The following CYSLTR2 variants were observed in gnomAD, a reference collection of about 807,000 sequenced individuals.
CYSLTR2 encodes the protein G-protein coupled receptor GPCR21.
For missense variants in CYSLTR2, 398 were observed against 411.9 expected, an observed-to-expected ratio of 0.97 and a Z score of 0.29; for synonymous variants, 179 against 160.8, an observed-to-expected ratio of 1.11 and a Z score of -0.86.
Position 48,707,428 on chromosome 13 carries a change from T to C in CYSLTR2, c.611T>C (p.Ile204Thr). ...KIAKLQTMNY[I>T]ALVVGCLLPF... ...GCTAAGCTGCAGACCATGAACTATA[T>C]TGCCTTGGTGGTGGGCTGCCTGCTG... Residue 204 changes from isoleucine to threonine, a missense_variant, in exon 5 of 5, where the codon ATT becomes ACT. Physicochemically the swap from Ile to Thr is moderately conservative, Grantham distance 89. Transcript: ENST00000682523. 1 of 1,614,122 alleles carries C rather than the reference T, an allele frequency of 6.2e-7. No individual in the cohort carries two copies. Among genetic ancestry groups the C allele is most frequent in the Non-Finnish European group, 8.5e-7 (1 of 1,180,028 alleles).
intron 4 of CYSLTR2, among the ~76,000 whole-genome samples, chr13:48,703,931 T>G (rs1347619110): frequency 6.6e-6 from 1 of 152,220 alleles, no homozygotes; most frequent in Admixed American, 6.5e-5. Flanking sequence ...ATTCAAATTA[T>G]CTATTTAATG....
At chr13:48,702,021 T>A (rs1274158365) in intron 4 of CYSLTR2, among the ~76,000 whole-genome samples, 1 of 152,006 alleles carries the variant, frequency 6.6e-6, no homozygotes, top group African/African-American at 2.4e-5. Flanking sequence ...CAAATGTCCA[T>A]CAATGATAGA....
chr13:48,705,385 T>C lies in CYSLTR2; in HGVS notation c.-1-1432T>C, dbSNP rs183077119. ...TTCCATTCCTCTATCTTTTAATTGG[T>C]ATATTTAGACTACTTATATTTAATG... On this transcript the variant is annotated intron_variant, in intron 4 of 4. Transcript: ENST00000682523. 1.1e-4 allele frequency among the ~76,000 whole-genome samples: 16 copies of C among 152,202 alleles called. No individual in the cohort carries two copies. In the East Asian group the frequency reaches 3.1e-3, roughly 29 times the overall value.
In CYSLTR2 at chr13:48,707,024, G is replaced by A. The variant is rs753394183; in HGVS notation, c.207G>A (p.Lys69=). ...SIYVFLQPYK[K]STSVNVFMLN... ...ATGTTTTCCTGCAGCCTTATAAGAAGTCCACATCTGTGAACGTTTTCATGC... is the reference window on the plus strand; with the variant it reads ...ATGTTTTCCTGCAGCCTTATAAGAAATCCACATCTGTGAACGTTTTCATGC... Residue 69 remains lysine, a synonymous_variant, in exon 5 of 5, where the codon AAG becomes AAA. Coordinates refer to ENST00000682523, the MANE Select transcript of CYSLTR2 (RefSeq NM_001308476.3). 1.2e-6 allele frequency: 2 copies of A among 1,614,160 alleles called. No individual in the cohort carries two copies. The highest frequency in any genetic ancestry group is 1.1e-5 in the South Asian group (1 of 91,082).
intron 1 of CYSLTR2, among the ~76,000 whole-genome samples, chr13:48,667,321 T>TA (rs1423838789): frequency 6.6e-6 from 1 of 152,176 alleles, no homozygotes; most frequent in African/African-American, 2.4e-5. Context: ...TTGCTAGGGT[T>TA]AAGGCCATGG....
chr13:48,674,963 C>T (rs1470097982), intron 1 of CYSLTR2, among the ~76,000 whole-genome samples: 1 of 152,202 alleles, frequency 6.6e-6, no homozygotes, highest in Non-Finnish European at 1.5e-5. Context: ...GGCTGCAGAA[C>T]AGCAAAGATT....
intron 1 of CYSLTR2, among the ~76,000 whole-genome samples, chr13:48,669,440 C>A (rs1459578667): frequency 6.6e-6 from 1 of 152,078 alleles, no homozygotes; most frequent in African/African-American, 2.4e-5. Context: ...CTCCCACCCC[C>A]TGAAAGGCCC....
chr13:48,702,054 A>G (rs185852381), intron 4 of CYSLTR2, among the ~76,000 whole-genome samples: 304 of 152,228 alleles, frequency 2.0e-3, no homozygotes, highest in Middle Eastern at 6.8e-3. Context: ...AATGTGACAC[A>G]TATACACCAT....
intron 1 of CYSLTR2, among the ~76,000 whole-genome samples, chr13:48,669,526 GTGTTTGATTT>G (rs1307056513): frequency 3.9e-5 from 6 of 152,030 alleles, no homozygotes; most frequent in Non-Finnish European, 8.8e-5. Context: ...GAACATAATG[GTGTTTGATTT>G]TCTGTTCCTG....
At chr13:48,670,895 T>C (rs760101967) in intron 1 of CYSLTR2, among the ~76,000 whole-genome samples, 1 of 152,248 alleles carries the variant, frequency 6.6e-6, no homozygotes, top group Non-Finnish European at 1.5e-5. Context: ...TGATATTGAT[T>C]CTTCCTATCC....
chr13:48,704,476 T>C (rs1406280162), intron 4 of CYSLTR2, among the ~76,000 whole-genome samples: 2 of 152,126 alleles, frequency 1.3e-5, no homozygotes, highest in African/African-American at 4.8e-5. Context: ...GTTTTCAATT[T>C]CTTGATTTCT....
intron 1 of CYSLTR2, among the ~76,000 whole-genome samples, chr13:48,681,708 C>T (rs1953760383): frequency 6.6e-6 from 1 of 152,150 alleles, no homozygotes; most frequent in Non-Finnish European, 1.5e-5. Flanking sequence ...TGACAGTGTC[C>T]CTGAGGGCCT....
At chr13:48,678,042 A>G (rs1027066832) in intron 1 of CYSLTR2, among the ~76,000 whole-genome samples, 1 of 151,820 alleles carries the variant, frequency 6.6e-6, no homozygotes, top group African/African-American at 2.4e-5. Context: ...TCTCCATACC[A>G]AGGAATTGGG....
At chr13:48,669,382 C>A (rs1953357103) in intron 1 of CYSLTR2, among the ~76,000 whole-genome samples, 1 of 152,024 alleles carries the variant, frequency 6.6e-6, no homozygotes, top group Admixed American at 6.6e-5. Context: ...CACTCATCAA[C>A]CCATCCTCTA....
At chr13:48,687,655 A>C (rs796951658) in intron 1 of CYSLTR2, among the ~76,000 whole-genome samples, 20 of 152,324 alleles carry the variant, frequency 1.3e-4, no homozygotes, top group African/African-American at 4.6e-4. Context: ...ACAAGAATGC[A>C]GCCCTCCATC....
intron 4 of CYSLTR2, among the ~76,000 whole-genome samples, chr13:48,696,889 C>T (rs142267453): frequency 4.6e-5 from 7 of 152,228 alleles, no homozygotes; most frequent in Non-Finnish European, 8.8e-5. Context: ...GAGGGTCCCA[C>T]GCCCACGGAG....
chr13:48,702,002 G>A (rs1218797641), intron 4 of CYSLTR2, among the ~76,000 whole-genome samples: 4 of 152,008 alleles, frequency 2.6e-5, no homozygotes, highest in Non-Finnish European at 5.9e-5. Context: ...CAAAGACTTG[G>A]AACCAACCCA....
intron 4 of CYSLTR2, among the ~76,000 whole-genome samples, chr13:48,701,644 A>G (rs548245816): frequency 6.6e-6 from 1 of 152,370 alleles, no homozygotes; most frequent in East Asian, 1.9e-4. Flanking sequence ...TATGCAACCA[A>G]CAGACACATG....
At chr13:48,689,229 T>C (rs1287045190) in intron 1 of CYSLTR2, among the ~76,000 whole-genome samples, 1 of 152,240 alleles carries the variant, frequency 6.6e-6, no homozygotes, top group African/African-American at 2.4e-5. Context: ...TGATGATAGT[T>C]GCTTTTGCTG....
Sources: gnomAD v4.1 joint callset for allele counts (sites outside exome capture counted in the v4.1 genomes callset) on GRCh38, gnomAD v4.1.1 for gene constraint, MANE v1.5 for transcripts, NCBI Gene and HGNC (gene_info 2026-07-23, HGNC 2026-07-21) for gene names.